Variants in ZNF682 observed in about 807,000 individuals in gnomAD.
ZNF682 encodes the protein zinc finger protein 682.
ZNF682 carries 29 observed loss-of-function variants against 36.5 expected under a neutral mutation model. That is an observed-to-expected ratio of 0.80 (90% confidence interval 0.59 to 1.08). ZNF682 has a LOEUF of 1.08. Ranked by LOEUF, ZNF682 falls within the 50% of genes least tolerant of loss-of-function variation. The pLI is 0.00. For synonymous variants in ZNF682, 180 were observed against 197.0 expected, an observed-to-expected ratio of 0.91 and a Z score of 0.72; for missense variants, 561 against 579.7, an observed-to-expected ratio of 0.97 and a Z score of 0.33.
chr19:20,019,874 T>C (rs1334764651), intron 3 of ZNF682, among the ~76,000 whole-genome samples: 1 of 152,052 alleles, frequency 6.6e-6, no homozygotes, highest in Non-Finnish European at 1.5e-5. Flanking sequence ...ATGCAATCTA[T>C]CTGTGTAACA....
chr19:20,029,428 C>G (rs2088460988), intron 1 of ZNF682, among the ~76,000 whole-genome samples: 1 of 151,092 alleles, frequency 6.6e-6, no homozygotes, highest in African/African-American at 2.4e-5. Context: ...TCGTGAAACC[C>G]CATCTCTACT....
At chr19:20,001,340 A>G (rs2088167178), downstream of ZNF682, among the ~76,000 whole-genome samples, 1 of 152,202 alleles carries the variant, frequency 6.6e-6, no homozygotes, top group Non-Finnish European at 1.5e-5. Flanking sequence ...AAATGGGGGA[A>G]TGTGCTGTAC....
At chr19:20,029,136 G>A (rs1468823417) in intron 1 of ZNF682, among the ~76,000 whole-genome samples, 1 of 151,654 alleles carries the variant, frequency 6.6e-6, no homozygotes, top group African/African-American at 2.4e-5. Flanking sequence ...CTGCCACCAC[G>A]GCCAGCTAAT....
chr19:20,000,390 G>A (rs1478314555), downstream of ZNF682, among the ~76,000 whole-genome samples: 1 of 152,178 alleles, frequency 6.6e-6, no homozygotes, highest in Non-Finnish European at 1.5e-5. Flanking sequence ...TAATGCAGAT[G>A]TCCACTTAGC....
At chr19:20,014,293 A>T (rs1354934536) in intron 3 of ZNF682, among the ~76,000 whole-genome samples, 1 of 152,236 alleles carries the variant, frequency 6.6e-6, no homozygotes, top group Non-Finnish European at 1.5e-5. Flanking sequence ...AGACCAATGA[A>T]AAAGAATGTA....
At chr19:20,033,381 G>A (rs894261975) in intron 1 of ZNF682, 1 of 152,406 alleles carries the variant, frequency 6.6e-6, no homozygotes, top group African/African-American at 2.4e-5. Flanking sequence ...TTCTGCCCAT[G>A]AAGCTTAGCC....
chr19:20,035,209 G>GT (rs1217168615), intron 1 of ZNF682, among the ~76,000 whole-genome samples: 1 of 152,110 alleles, frequency 6.6e-6, no homozygotes, highest in Non-Finnish European at 1.5e-5. Context: ...AATATCTATT[G>GT]TAACAATTTG....
chr19:20,038,291 A>G (rs2088551713), intron 1 of ZNF682, among the ~76,000 whole-genome samples: 1 of 152,112 alleles, frequency 6.6e-6, no homozygotes, highest in African/African-American at 2.4e-5. Flanking sequence ...ATGAAAAACA[A>G]TTCTTTTTCT....
At chr19:20,012,677 A>C (rs1295145693) in intron 3 of ZNF682, among the ~76,000 whole-genome samples, 8 of 150,668 alleles carry the variant, frequency 5.3e-5, no homozygotes, top group African/African-American at 1.7e-4. Context: ...CTGAGGCAGG[A>C]GAATGGCACG....
At chr19:19,995,140 T>G (rs1375703526), downstream of ZNF682, among the ~76,000 whole-genome samples, 1 of 152,106 alleles carries the variant, frequency 6.6e-6, no homozygotes, top group Non-Finnish European at 1.5e-5. Context: ...CTTTTAAGGG[T>G]AAGAAGTTTT....
At position 20,024,462 on chromosome 19, in the gene ZNF682, A is replaced by T. The variant is rs961577073; in HGVS notation, c.4-86T>A. The T allele has an allele frequency of 2.7e-5, 39 of 1,430,868 alleles. No homozygotes were observed. The African/African-American group carries it at 5.3e-4, about 19-fold the overall frequency. The allele number at this position is 1,430,868 out of a possible 1,614,324, so 88.6% of individuals were successfully genotyped here. Reference sequence around the variant, plus strand: ...TGAAAAGAGAGAATTGCTGTGACTTATGAGAGTTACTGGAATTATTCAATC... The same window carrying T: ...TGAAAAGAGAGAATTGCTGTGACTTTTGAGAGTTACTGGAATTATTCAATC... On this transcript the variant is annotated intron_variant, in intron 1 of 3. Transcript: ENST00000397165.
rs1200266048 is a variant in ZNF682, at chr19:20,023,102, GT to G, written c.131-4del. The stretch of plus-strand genomic sequence containing the variant: ...TTCTGGCTTAGAAACAGTAAGACCT[GT>G]TTTATTAGAAAAAAGTAATGTGATT... On this transcript the variant is annotated splice_region_variant and splice_polypyrimidine_tract_variant and intron_variant, in intron 2 of 3. Coordinates refer to ENST00000397165, the MANE Select transcript of ZNF682 (RefSeq NM_033196.3). 2.2e-5 allele frequency: 35 copies of G among 1,612,680 alleles called. No individual in the cohort carries two copies. The highest frequency in any genetic ancestry group is 2.8e-5 in the Non-Finnish European group (33 of 1,179,136).
At chr19:20,025,392 A>C (rs2088421854) in intron 1 of ZNF682, among the ~76,000 whole-genome samples, 1 of 152,182 alleles carries the variant, frequency 6.6e-6, no homozygotes, top group Non-Finnish European at 1.5e-5. Context: ...ATTAACATGA[A>C]TTGGGCCAGG....
chr19:20,007,191 C>A lies in ZNF682; in HGVS notation c.311G>T (p.Gly104Val). The A allele has an allele frequency of 6.2e-7, 1 of 1,613,712 alleles. No homozygotes were observed. The highest frequency in any genetic ancestry group is 1.1e-5 in the South Asian group (1 of 91,076). Residue 104 changes from glycine to valine, a missense_variant, in exon 4 of 4, where the codon GGA becomes GTA. Gly to Val is a moderately radical substitution (Grantham distance 109). Coordinates refer to ENST00000397165, the MANE Select transcript of ZNF682 (RefSeq NM_033196.3). ...SFQKVILRRY[G>V]SCGLEDLHLR... ...GTGTAAATCCTCAAGTCCACAGCTT[C>A]CATATCTTCTCAGTATCACTTTTTG...
Position 20,006,103 on chromosome 19 carries a change from G to A in ZNF682, c.1399C>T (p.His467Tyr), listed in dbSNP as rs751505519. The part of the protein sequence containing the change: ...ECGKAFKRCS[H>Y]LNEHKRVQRG... ...TGAACTCTCTTATGTTCATTAAGAT[G>A]TGAGCACCGTTTAAAAGCTTTGCCA... The change falls in exon 4 of 4, where the codon CAT becomes TAT. Residue 467 changes from histidine to tyrosine, a missense_variant. Physicochemically the swap from His to Tyr is moderately conservative, Grantham distance 83 (BLOSUM62 2). Transcript: ENST00000397165. 9 of 1,614,012 alleles carry A rather than the reference G, an allele frequency of 5.6e-6. No homozygotes were observed. In the South Asian group the frequency reaches 8.8e-5, roughly 16 times the overall value.
chr19:20,026,685 C>G (rs1244123646), intron 1 of ZNF682, among the ~76,000 whole-genome samples: 6 of 152,090 alleles, frequency 3.9e-5, no homozygotes, highest in Non-Finnish European at 7.3e-5. Flanking sequence ...TGGCTGGTCT[C>G]AAACTCCTGG....
chr19:20,006,859 A>T lies in ZNF682; in HGVS notation c.643T>A (p.Tyr215Asn). The change falls in exon 4 of 4, where the codon TAC (tyrosine) becomes AAC (asparagine). Residue 215 changes from tyrosine to asparagine, a missense_variant. Transcript: ENST00000397165. ...TGAATTCTCTTATGTTTAGTAAGGT[A>T]TGAGAACCACTTAAAGGTTTTGCCA... ...ECGKTFKWFS[Y>N]LTKHKRIHTG... 1 of 1,614,032 alleles carries T rather than the reference A, an allele frequency of 6.2e-7. No individual in the cohort carries two copies.
At chr19:20,033,664 T>G (rs2088499849) in intron 1 of ZNF682, 1 of 152,528 alleles carries the variant, frequency 6.6e-6, no homozygotes, top group South Asian at 2.1e-4. Context: ...GTGATTCTCC[T>G]CCCTCAGCCT....
chr19:20,020,651 C>T (rs573428504), intron 3 of ZNF682, among the ~76,000 whole-genome samples: 1 of 152,182 alleles, frequency 6.6e-6, no homozygotes, highest in South Asian at 2.1e-4. Flanking sequence ...GACATGAAAA[C>T]AACCTGAATG....
Sources: gnomAD v4.1 joint callset for allele counts (sites outside exome capture counted in the v4.1 genomes callset) on GRCh38, gnomAD v4.1.1 for gene constraint, MANE v1.5 for transcripts, NCBI Gene and HGNC (gene_info 2026-07-23, HGNC 2026-07-21) for gene names.